The following PMS1 variants were observed in gnomAD, a reference collection of about 807,000 sequenced individuals.
PMS1 encodes PMS1 protein homolog 1.
Under a neutral mutation model 93.1 loss-of-function variants are expected in PMS1, and 79 were observed. The observed-to-expected ratio is 0.85, with a 90% CI of 0.71 to 1.02. The LOEUF (loss-of-function observed/expected upper bound fraction) is 1.02. Among genes scored for constraint, PMS1 ranks in the 50% least tolerant of loss-of-function variants. PMS1 has a pLI of 0.00. For synonymous variants in PMS1, 335 were observed against 363.4 expected, an observed-to-expected ratio of 0.92 and a Z score of 0.89; for missense variants, 1,064 against 1,085.3, an observed-to-expected ratio of 0.98 and a Z score of 0.28.
At chr2:189,811,307 G>T (rs1248349761) in intron 4 of PMS1, among the ~76,000 whole-genome samples, 1 of 151,334 alleles carries the variant, frequency 6.6e-6, no homozygotes, top group Non-Finnish European at 1.5e-5. Context: ...AAGTCTGAGG[G>T]CTGGGCACGG....
chr2:189,846,148 T>G (rs1459221412), intron 6 of PMS1, among the ~76,000 whole-genome samples: 2 of 152,096 alleles, frequency 1.3e-5, no homozygotes, highest in Admixed American at 6.6e-5. Flanking sequence ...TTTGGGAGGC[T>G]GAGGCACTTG....
rs5743148 is a variant in PMS1 at position 189,857,898 on chromosome 2, G to T, written c.1856+2770G>T. Among the ~76,000 whole-genome samples, 562 of 152,230 alleles carry T rather than the reference G, an allele frequency of 3.7e-3. 13 individuals are homozygous for T. The highest frequency in any genetic ancestry group is 0.031 in the Admixed American group (471 of 15,266). ...TTAGCCAGAAGGATTTTAGGGAATTGTGTAGGTTGGAGGAACAGTATATGA... is the reference window on the plus strand; with the variant it reads ...TTAGCCAGAAGGATTTTAGGGAATTTTGTAGGTTGGAGGAACAGTATATGA... On this transcript the variant is annotated intron_variant, in intron 9 of 12. Transcript: ENST00000441310.
In PMS1 at chr2:189,788,805, C is replaced by T. The variant is rs556470986; in HGVS notation, c.-20-2985C>T. ...AGCACATCTCAATTTGGACTACCCA[C>T]GTTTCTAGTGCTCTAGTGTTCAGTA... On this transcript the variant is annotated intron_variant, in intron 1 of 12. Transcript: ENST00000441310. Among the ~76,000 whole-genome samples, 9 of 152,254 alleles carry T rather than the reference C, an allele frequency of 5.9e-5. No homozygotes were observed. The South Asian group carries it at 6.2e-4, about 11-fold the overall frequency.
intron 9 of PMS1, among the ~76,000 whole-genome samples, chr2:189,857,045 A>C (rs1188411477): frequency 6.6e-6 from 1 of 152,092 alleles, no homozygotes; most frequent in African/African-American, 2.4e-5. Flanking sequence ...GTTCTTTGTT[A>C]GCTTTGTATT....
chr2:189,869,769 A>G (rs933864305), intron 11 of PMS1, among the ~76,000 whole-genome samples: 5 of 151,496 alleles, frequency 3.3e-5, no homozygotes, highest in African/African-American at 1.2e-4. Context: ...GTGAGCCAAG[A>G]TCACGCCACT....
intron 11 of PMS1, among the ~76,000 whole-genome samples, chr2:189,872,223 T>C (rs2057212489): frequency 6.6e-6 from 1 of 152,170 alleles, no homozygotes; most frequent in African/African-American, 2.4e-5. Flanking sequence ...TATTCTCCAG[T>C]TGTTCTCTGG....
intron 6 of PMS1, among the ~76,000 whole-genome samples, chr2:189,848,767 C>G (rs1175858519): frequency 6.6e-6 from 1 of 152,132 alleles, no homozygotes; most frequent in Non-Finnish European, 1.5e-5. Flanking sequence ...TGTTATTGCA[C>G]TGTGTGTCTA....
intron 5 of PMS1, among the ~76,000 whole-genome samples, chr2:189,830,270 C>T (rs2052806975): frequency 6.6e-6 from 1 of 152,202 alleles, no homozygotes; most frequent in South Asian, 2.1e-4. Context: ...TCCTTTACCT[C>T]TGATTTCATT....
intron 5 of PMS1, among the ~76,000 whole-genome samples, chr2:189,840,375 C>T (rs1478586668): frequency 6.6e-6 from 1 of 152,098 alleles, no homozygotes; most frequent in Admixed American, 6.5e-5. Flanking sequence ...TGTGATTGGC[C>T]GAAACTTTGT....
chr2:189,851,793 A>G (rs113121083), intron 6 of PMS1, among the ~76,000 whole-genome samples: 148 of 152,292 alleles, frequency 9.7e-4, no homozygotes, highest in African/African-American at 3.2e-3. Context: ...TTTTAAGCCT[A>G]TATTTTAAAT....
intron 7 of PMS1, 121 bp from the exon 8 acceptor site, chr2:189,853,813 GGTCAT>G: frequency 1.6e-6 from 1 of 623,394 alleles, no homozygotes; most frequent in Non-Finnish European, 2.7e-6. Context: ...CACTGTGCCG[GGTCAT>G]GATAATGCTT....
At chr2:189,834,772 C>G (rs1267454619) in intron 5 of PMS1, among the ~76,000 whole-genome samples, 1 of 152,150 alleles carries the variant, frequency 6.6e-6, no homozygotes, top group Non-Finnish European at 1.5e-5. Context: ...CTCTGTTGCC[C>G]AGGCTTGAGT....
At chr2:189,786,908 C>G (rs112415673) in intron 1 of PMS1, among the ~76,000 whole-genome samples, 2 of 152,158 alleles carry the variant, frequency 1.3e-5, no homozygotes, top group African/African-American at 4.8e-5. Context: ...AAAAAATTAG[C>G]CAGGTGTGGT....
intron 3 of PMS1, among the ~76,000 whole-genome samples, chr2:189,800,406 T>G (rs1369905283): frequency 1.3e-5 from 2 of 152,276 alleles, no homozygotes; most frequent in African/African-American, 4.8e-5. Context: ...AGTTGAAACT[T>G]ATATGTGAGG....
In PMS1 at chr2:189,805,635, A is replaced by T. The variant is rs199621573; in HGVS notation, c.316-17A>T. On this transcript the variant is annotated splice_polypyrimidine_tract_variant and intron_variant, in intron 3 of 12. Coordinates refer to ENST00000441310, the MANE Select transcript of PMS1 (RefSeq NM_000534.5). ...ATATCTAAAGTGTTAGTTTTATTAG[A>T]TGTTTTTTTCCCCCAGGTTTTAATT... is the stretch of plus-strand genomic sequence containing the variant. 1 of 1,587,250 alleles carries T rather than the reference A, an allele frequency of 6.3e-7. No individual in the cohort carries two copies. Among genetic ancestry groups the T allele is most frequent in the East Asian group, 2.2e-5 (1 of 44,694 alleles).
In PMS1 at chr2:189,791,795, C is replaced by T. The variant is rs781605412; in HGVS notation, c.-15C>T. Reference sequence around the variant, plus strand: ...GTTGCATTTTTATCTTCTAGCTGCTCTGTTAAAAGCGAAAATGAAACAATT... The same window carrying T: ...GTTGCATTTTTATCTTCTAGCTGCTTTGTTAAAAGCGAAAATGAAACAATT... On this transcript the variant is annotated 5_prime_UTR_variant, in exon 2 of 13. Transcript: ENST00000441310. 1.2e-6 allele frequency: 2 copies of T among 1,613,000 alleles called. No homozygotes were observed. Among genetic ancestry groups the T allele is most frequent in the Non-Finnish European group, 1.7e-6 (2 of 1,179,350 alleles).
intron 5 of PMS1, among the ~76,000 whole-genome samples, chr2:189,830,502 A>G (rs2052832380): frequency 6.6e-6 from 1 of 151,548 alleles, no homozygotes; most frequent in Non-Finnish European, 1.5e-5. Flanking sequence ...CCGCTTCCCC[A>G]CTTTCCTGCT....
chr2:189,862,947 T>A (rs780265976), intron 9 of PMS1, among the ~76,000 whole-genome samples: 70 of 152,308 alleles, frequency 4.6e-4, no homozygotes, highest in East Asian at 7.7e-4. Context: ...TCTGGGATTT[T>A]CTTTCTCAAT....
Position 189,869,710 on chromosome 2 carries a change from G to C in PMS1, c.2473+1781G>C, listed in dbSNP as rs143580013. On this transcript the variant is annotated intron_variant, in intron 11 of 12. Transcript: ENST00000441310. ...CAGGTGCCTATGATCCCAGCTACTT[G>C]GGAGGCTGAGGCAGGAGAATCGCTT... 5.1e-3 allele frequency among the ~76,000 whole-genome samples: 773 copies of C among 151,980 alleles called. 8 individuals are homozygous for C. Among genetic ancestry groups the C allele is most frequent in the African/African-American group, 0.018 (727 of 41,422 alleles).
Sources: gnomAD v4.1 joint callset for allele counts (sites outside exome capture counted in the v4.1 genomes callset) on GRCh38, gnomAD v4.1.1 for gene constraint, MANE v1.5 for transcripts, NCBI Gene and HGNC (gene_info 2026-07-23, HGNC 2026-07-21) for gene names.